Variants in ATP9B observed in about 807,000 individuals in gnomAD.
The protein encoded by ATP9B is ATPase phospholipid transporting 9B.
In ATP9B, 110 loss-of-function variants were observed where a neutral mutation model predicts 146.1. The ratio of observed to expected loss-of-function variants is 0.75; its 90% CI spans 0.65 to 0.88. The LOEUF (loss-of-function observed/expected upper bound fraction) is 0.88. Ranked by LOEUF, ATP9B falls within the 40% of genes least tolerant of loss-of-function variation. ATP9B has a pLI of 0.00. For missense variants in ATP9B, 1,499 were observed against 1,496.4 expected (o/e 1.00, Z -0.03); for synonymous variants, 604 against 569.7 (o/e 1.06, Z -0.86).
rs562586165 is a variant in ATP9B, at chr18:79,098,420, G to A, written c.293+1771G>A. ...ACTAAAGAGCTTCTGCACAGCAAAA[G>A]AAACTACCATCAGAGTGAACAGGCA... On this transcript the variant is annotated intron_variant, in intron 2 of 29. Transcript: ENST00000426216. Among the ~76,000 whole-genome samples the A allele has an allele frequency of 7.4e-5, 11 of 148,082 alleles. No individual in the cohort carries two copies. In the South Asian group the frequency reaches 2.5e-3, roughly 33 times the overall value.
intron 8 of ATP9B, among the ~76,000 whole-genome samples, chr18:79,179,203 C>A (rs1438420448): frequency 6.6e-6 from 1 of 152,060 alleles, no homozygotes; most frequent in Non-Finnish European, 1.5e-5. Flanking sequence ...TAGTTTATAT[C>A]CTGTCTCTTT....
intron 7 of ATP9B, among the ~76,000 whole-genome samples, chr18:79,155,676 G>C (rs73971382): frequency 0.021 from 3,134 of 148,300 alleles, 101 homozygotes; most frequent in African/African-American, 0.071. Flanking sequence ...CAGAGTTGTT[G>C]ATTTAATTTT....
intron 8 of ATP9B, among the ~76,000 whole-genome samples, chr18:79,180,903 C>T (rs528823852): frequency 2.0e-5 from 3 of 152,100 alleles, no homozygotes; most frequent in Admixed American, 2.0e-4. Flanking sequence ...AGCAATTCTC[C>T]TGTCTCAGCT....
At chr18:79,221,810 G>A (rs1021755745) in intron 11 of ATP9B, among the ~76,000 whole-genome samples, 1 of 128,138 alleles carries the variant, frequency 7.8e-6, no homozygotes, top group Non-Finnish European at 1.7e-5. Flanking sequence ...GCATTATAAA[G>A]GCTTTTTTTT....
chr18:79,329,313 G>A lies in ATP9B; in HGVS notation c.1935+11G>A, dbSNP rs201029862. 297 of 1,580,466 alleles carry A rather than the reference G, an allele frequency of 1.9e-4. No homozygotes were observed. Among genetic ancestry groups the A allele is most frequent in the Non-Finnish European group, 1.6e-4 (182 of 1,162,156 alleles). On this transcript the variant is annotated intron_variant, in intron 16 of 29. Transcript: ENST00000426216. ...GGCGTCATCGTCAGGGTGAGGCTGC[G>A]GGGAGGGTGCCACGCGATGGCTTCA...
intron 25 of ATP9B, chr18:79,354,567 T>C (rs2096939448): frequency 8.7e-5 from 2 of 22,966 alleles, no homozygotes; most frequent in South Asian, 3.1e-3. Context: ...AGACCGTGTC[T>C]CAAAAAAAAA....
At chr18:79,355,060 G>A (rs781270345) in intron 25 of ATP9B, among the ~76,000 whole-genome samples, 168 of 152,374 alleles carry the variant, frequency 1.1e-3, no homozygotes, top group Non-Finnish European at 1.9e-3. Context: ...AGGCAGGACT[G>A]CATCCCCAGT....
At chr18:79,200,786 G>GGGAAC (rs2095477034) in intron 9 of ATP9B, among the ~76,000 whole-genome samples, 2 of 70,644 alleles carry the variant, frequency 2.8e-5, no homozygotes, top group African/African-American at 5.7e-5. Flanking sequence ...CAGAAGTAGT[G>GGGAAC]GTGGAATTGT....
rs1408133509 is a variant in ATP9B at position 79,345,839 on chromosome 18, G to A, written c.2682G>A (p.Lys894=). The A allele has an allele frequency of 5.6e-6, 9 of 1,614,102 alleles. No homozygotes were observed. The highest frequency in any genetic ancestry group is 4.0e-5 in the African/African-American group (3 of 74,952). The change falls in exon 23 of 30, where the codon AAG becomes AAA. Residue 894 remains lysine (K), a splice_region_variant and synonymous_variant. Coordinates refer to ENST00000426216, the MANE Select transcript of ATP9B (RefSeq NM_198531.5). ...AADCGIGIEG[K]EGKQASLAAD... ...ACTGTGGGATTGGGATTGAGGGAAA[G>A]GTAGGTTCGCCCTTTTATCAACACA...
chr18:79,240,009 T>C (rs28418352), intron 11 of ATP9B, among the ~76,000 whole-genome samples: 57,342 of 152,060 alleles, frequency 0.38, 11,768 homozygotes, highest in African/African-American at 0.54. Context: ...AGTCCCAAGC[T>C]TGCCTGCGCT....
intron 19 of ATP9B, among the ~76,000 whole-genome samples, chr18:79,339,649 TCTGA>T (rs779353208): frequency 2.7e-5 from 4 of 148,830 alleles, no homozygotes; most frequent in South Asian, 2.2e-4. Context: ...CTGTATCATA[TCTGA>T]CTGAGATCGT....
Position 79,147,072 on chromosome 18 carries a change from AGT to A in ATP9B, c.726+3215_726+3216del, listed in dbSNP as rs1358909509. Among the ~76,000 whole-genome samples, 3 of 152,378 alleles carry A rather than the reference AGT, an allele frequency of 2.0e-5. No individual in the cohort carries two copies. In the East Asian group the frequency reaches 5.8e-4, roughly 29 times the overall value. ...TAGGAGCTATGTTAATGTCCAAGAA[AGT>A]GTACTTCAGAGTGAAGAAAATTAAC... On this transcript the variant is annotated intron_variant, in intron 6 of 29. Transcript: ENST00000426216.
chr18:79,173,257 A>G (rs1169189883), intron 7 of ATP9B, among the ~76,000 whole-genome samples: 2 of 152,154 alleles, frequency 1.3e-5, no homozygotes, highest in African/African-American at 4.8e-5. Context: ...TGGCTTACAA[A>G]TATTTTGTAC....
At chr18:79,194,572 T>C (rs2095400879) in intron 9 of ATP9B, 1 of 152,220 alleles carries the variant, frequency 6.6e-6, no homozygotes, top group Non-Finnish European at 1.5e-5. Flanking sequence ...GATCTTTAGC[T>C]TAGAAGAGAA....
chr18:79,082,852 G>A (rs2073412492), intron 1 of ATP9B, among the ~76,000 whole-genome samples: 1 of 152,200 alleles, frequency 6.6e-6, no homozygotes, highest in Admixed American at 6.5e-5. Flanking sequence ...ACCCCTGCTA[G>A]GAGGTGTCTC....
In ATP9B at chr18:79,307,038, C is replaced by A; in HGVS notation, c.1577C>A (p.Ala526Asp). 1 of 1,614,178 alleles carries A rather than the reference C, an allele frequency of 6.2e-7. No individual in the cohort carries two copies. The highest frequency in any genetic ancestry group is 8.5e-7 in the Non-Finnish European group (1 of 1,180,012). Residue 526 changes from alanine (A) to aspartate (D), a missense_variant, in exon 15 of 30, where the codon GCC (alanine) becomes GAC (aspartate). Ala to Asp is a moderately radical substitution (Grantham distance 126). Coordinates refer to ENST00000426216, the MANE Select transcript of ATP9B (RefSeq NM_198531.5). Reference sequence around the variant, plus strand: ...ACTGGTTCAACTCCACTAAGAAAAGCCCAATCTTCAGCTCCCAAAGTTAGG... The same window carrying A: ...ACTGGTTCAACTCCACTAAGAAAAGACCAATCTTCAGCTCCCAAAGTTAGG... Reference protein sequence around the residue: ...NNTGSTPLRKAQSSAPKVRKS... With the variant: ...NNTGSTPLRKDQSSAPKVRKS...
At chr18:79,220,809 G>A (rs922160079) in intron 11 of ATP9B, among the ~76,000 whole-genome samples, 8 of 152,108 alleles carry the variant, frequency 5.3e-5, no homozygotes, top group African/African-American at 1.9e-4. Context: ...TTTATTCCAT[G>A]ATGCAGCAGT....
intron 11 of ATP9B, among the ~76,000 whole-genome samples, chr18:79,221,479 T>C (rs1444934588): frequency 6.6e-6 from 1 of 152,212 alleles, no homozygotes; most frequent in African/African-American, 2.4e-5. Context: ...CCCAGCACTT[T>C]GGAGCTCAAG....
chr18:79,171,742 C>A (rs1018385155), intron 7 of ATP9B, among the ~76,000 whole-genome samples: 3 of 152,156 alleles, frequency 2.0e-5, no homozygotes, highest in African/African-American at 7.2e-5. Context: ...TCACACTAGC[C>A]CAGTGGGCTC....
Sources: gnomAD v4.1 joint callset for allele counts (sites outside exome capture counted in the v4.1 genomes callset) on GRCh38, gnomAD v4.1.1 for gene constraint, MANE v1.5 for transcripts, NCBI Gene and HGNC (gene_info 2026-07-23, HGNC 2026-07-21) for gene names.